Variants in TOGARAM2 observed in about 807,000 individuals in gnomAD.
TOGARAM2 encodes TOG array regulator of axonemal microtubules 2, also known as TOG array regulator of axonemal microtubules protein 2.
TOGARAM2 carries 85 observed loss-of-function variants against 93.3 expected under a neutral mutation model. The observed-to-expected ratio is 0.91, with a 90% CI of 0.76 to 1.09. TOGARAM2 has a LOEUF of 1.09. Among genes scored for constraint, TOGARAM2 ranks in the 50% least tolerant of loss-of-function variants. TOGARAM2 has a pLI of 0.00. For synonymous variants in TOGARAM2, 593 were observed against 552.8 expected, an observed-to-expected ratio of 1.07 and a Z score of -1.02; for missense variants, 1,277 against 1,334.5, an observed-to-expected ratio of 0.96 and a Z score of 0.67.
In TOGARAM2 at chr2:28,998,172, T is replaced by G; in HGVS notation, c.58T>G (p.Cys20Gly). The G allele has an allele frequency of 1.2e-6, 2 of 1,611,156 alleles. No homozygotes were observed. The highest frequency in any genetic ancestry group is 8.5e-7 in the Non-Finnish European group (1 of 1,178,848). The change falls in exon 3 of 20, where the codon TGC becomes GGC. Residue 20 changes from cysteine (C) to glycine (G), a missense_variant. Coordinates refer to ENST00000379558, the MANE Select transcript of TOGARAM2 (RefSeq NM_199280.4). Reference sequence around the variant, plus strand: ...GGTCCTGGTCCCCGTGGCCGTGTACTGCGGGAGCATCCCTCGGACCAGTGC... The same window carrying G: ...GGTCCTGGTCCCCGTGGCCGTGTACGGCGGGAGCATCCCTCGGACCAGTGC... ...AKVLVPVAVY[C>G]GSIPRTSAGP...
intron 6 of TOGARAM2, among the ~76,000 whole-genome samples, chr2:29,006,344 GTGTA>G (rs1034261109): frequency 2.8e-5 from 4 of 144,394 alleles, no homozygotes; most frequent in Admixed American, 1.4e-4. Context: ...GTGTGTATGT[GTGTA>G]TGTGTGAGTG....
intron 6 of TOGARAM2, among the ~76,000 whole-genome samples, chr2:29,004,119 A>G (rs996556300): frequency 7.2e-5 from 11 of 152,136 alleles, no homozygotes; most frequent in Admixed American, 6.5e-4. Context: ...AGTAGCTGGG[A>G]TTACAGGCAC....
At chr2:29,042,124 C>A (rs953619458) in intron 18 of TOGARAM2, among the ~76,000 whole-genome samples, 2 of 152,242 alleles carry the variant, frequency 1.3e-5, no homozygotes, top group African/African-American at 4.8e-5. Flanking sequence ...AGAGCTCTTA[C>A]AACTGCTATG....
rs1665172612 is a variant in TOGARAM2 at position 29,024,221 on chromosome 2, AC to A, written c.1702del (p.Gln568ArgfsTer29). ...DLFQALKKNM[D>X]QEAEEIARCL... ...TTCCAGGCCTTGAAGAAGAATATGG[AC>A]CAGGAGGCCGAGGAGATCGCCCGCT... On this transcript the variant is annotated frameshift_variant, in exon 13 of 20. Coordinates refer to ENST00000379558, the MANE Select transcript of TOGARAM2 (RefSeq NM_199280.4). LOFTEE classifies it high-confidence loss of function. 6.2e-7 allele frequency: 1 copy of A among 1,608,604 alleles called. No homozygotes were observed. Among genetic ancestry groups the A allele is most frequent in the Admixed American group, 1.7e-5 (1 of 59,324 alleles).
chr2:29,049,192 G>A (rs1666936207), intron 19 of TOGARAM2: 1 of 152,016 alleles, frequency 6.6e-6, no homozygotes, highest in Non-Finnish European at 1.5e-5. Flanking sequence ...GTAGAGACAG[G>A]GTTTTGCCAT....
chr2:28,982,613 G>A (rs1212495628), intron 1 of TOGARAM2, among the ~76,000 whole-genome samples: 1 of 152,136 alleles, frequency 6.6e-6, no homozygotes. Flanking sequence ...GAGGTAGTTG[G>A]GGGCAAGGGA....
At chr2:28,964,690 C>T (rs1671844351) in intron 1 of TOGARAM2, among the ~76,000 whole-genome samples, 1 of 145,146 alleles carries the variant, frequency 6.9e-6, no homozygotes. Context: ...TTCCCTGTGT[C>T]CATGTGTTCT....
chr2:29,022,447 G>A (rs920521824), intron 11 of TOGARAM2, 139 bp downstream of exon 11: 2 of 1,169,084 alleles, frequency 1.7e-6, no homozygotes, highest in African/African-American at 3.2e-5. Context: ...TTTGGAGGGA[G>A]GACTGTGCAT....
chr2:28,991,430 C>T (rs914053981), intron 1 of TOGARAM2, among the ~76,000 whole-genome samples: 2 of 152,296 alleles, frequency 1.3e-5, no homozygotes, highest in African/African-American at 2.4e-5. Flanking sequence ...TAAACGCTGC[C>T]ACCTTTCCCC....
chr2:29,035,211 C>G (rs2148375934), intron 16 of TOGARAM2, among the ~76,000 whole-genome samples: 1 of 151,544 alleles, frequency 6.6e-6, no homozygotes, highest in African/African-American at 2.4e-5. Flanking sequence ...CACTTCCTCA[C>G]TCTGACTTCC....
Position 28,999,419 on chromosome 2 carries a change from C to G in TOGARAM2, c.378C>G (p.Asp126Glu). 2.5e-6 allele frequency: 4 copies of G among 1,613,156 alleles called. No individual in the cohort carries two copies. The highest frequency in any genetic ancestry group is 2.2e-5 in the South Asian group (2 of 90,802). Reference protein sequence around the residue: ...SVARDTIQIKDKLKKRRLSEG... With the variant: ...SVARDTIQIKEKLKKRRLSEG... ...CCAGGGACACCATCCAGATTAAGGA[C>G]AAGCTCAAGAAAAGGAGGCTCTCAG... Residue 126 changes from aspartate to glutamate, a missense_variant, in exon 4 of 20, where the codon GAC becomes GAG. By Grantham distance (45) the Asp-to-Glu change is conservative (BLOSUM62 2). Transcript: ENST00000379558.
chr2:29,041,537 A>G (rs900814564), intron 18 of TOGARAM2, among the ~76,000 whole-genome samples: 6 of 152,282 alleles, frequency 3.9e-5, no homozygotes, highest in African/African-American at 1.4e-4. Flanking sequence ...CATGTTTTCT[A>G]CGCTTTCTTA....
intron 1 of TOGARAM2, among the ~76,000 whole-genome samples, chr2:28,967,240 C>CA (rs1415426901): frequency 6.6e-6 from 1 of 152,038 alleles, no homozygotes; most frequent in Non-Finnish European, 1.5e-5. Context: ...TTTGGGAGGC[C>CA]AAAACAGGAG....
chr2:29,024,341 G>A lies in TOGARAM2; in HGVS notation c.1820G>A (p.Arg607His), dbSNP rs371689354. 9.1e-5 allele frequency: 147 copies of A among 1,610,926 alleles called. No homozygotes were observed. The African/African-American group carries it at 1.2e-3, about 13-fold the overall frequency. Residue 607 changes from arginine to histidine, a missense_variant, in exon 13 of 20, where the codon CGC becomes CAC. Transcript: ENST00000379558. ...ATGGTGGAGAATGTGACCCTTGCCC[G>A]CTCCCTGGTGGTCCTCACCTCGGCG... ...RAMVENVTLA[R>H]SLVVLTSAGV... is the part of the protein sequence containing the mutation.
upstream of TOGARAM2, among the ~76,000 whole-genome samples, chr2:28,978,907 G>T (rs1053149117): frequency 1.3e-5 from 2 of 152,132 alleles, no homozygotes; most frequent in African/African-American, 4.8e-5. Flanking sequence ...TCCACCAGGG[G>T]TCGATACAGG....
chr2:29,005,630 GT>G, intron 6 of TOGARAM2, among the ~76,000 whole-genome samples: 2 of 74,898 alleles, frequency 2.7e-5, no homozygotes, highest in Non-Finnish European at 3.5e-5. Context: ...TGTGTGGAGT[GT>G]GTGTGCATGT....
intron 6 of TOGARAM2, among the ~76,000 whole-genome samples, chr2:29,006,080 C>T (rs1258814247): frequency 7.9e-6 from 1 of 126,508 alleles, no homozygotes; most frequent in Non-Finnish European, 1.6e-5. Context: ...TGTGAGAGCA[C>T]GTGTGTGTGT....
At chr2:29,035,104 T>G (rs1169395055) in intron 16 of TOGARAM2, among the ~76,000 whole-genome samples, 2 of 145,066 alleles carry the variant, frequency 1.4e-5, no homozygotes, top group Admixed American at 7.1e-5. Flanking sequence ...GAGCTGAGAT[T>G]GGGCCATTAA....
At chr2:29,049,643 C>A (rs1572805511) in intron 19 of TOGARAM2, 1 of 152,252 alleles carries the variant, frequency 6.6e-6, no homozygotes, top group African/African-American at 2.4e-5. Flanking sequence ...TCCTACTCAG[C>A]CTGTTTCAAG....
Sources: gnomAD v4.1 joint callset for allele counts (sites outside exome capture counted in the v4.1 genomes callset) on GRCh38, gnomAD v4.1.1 for gene constraint, MANE v1.5 for transcripts, NCBI Gene and HGNC (gene_info 2026-07-23, HGNC 2026-07-21) for gene names.